LRRC4C: variants seen among roughly 807,000 people sequenced by gnomAD.
LRRC4C encodes the protein leucine rich repeat containing 4C, also known as leucine-rich repeat-containing protein 4C.
Under a neutral mutation model 33.6 loss-of-function variants are expected in LRRC4C, and 5 were observed. That is an observed-to-expected ratio of 0.15 (90% CI 0.08 to 0.31). The LOEUF (loss-of-function observed/expected upper bound fraction) is 0.31, where lower values mean the gene tolerates loss of function less well. LRRC4C is among the 10% of genes least tolerant of loss of function. The pLI is 1.00. For synonymous variants in LRRC4C, 329 were observed against 302.0 expected, an observed-to-expected ratio of 1.09 and a Z score of -0.93; for missense variants, 560 against 796.7, an observed-to-expected ratio of 0.70 and a Z score of 3.58.
rs554501976 is a variant in LRRC4C, at chr11:40,280,234, G to C, written c.-175-38636C>G. On this transcript the variant is annotated intron_variant, in intron 4 of 6. Transcript: ENST00000528697. ...AACCTTACAATGAACAGTAGACAGA[G>C]AGAGATGGGACTGAAGGCTTTAATA... Among the ~76,000 whole-genome samples the C allele has an allele frequency of 1.8e-3, 267 of 152,344 alleles. 1 individual carries two copies. The highest frequency in any genetic ancestry group is 3.3e-3 in the Non-Finnish European group (225 of 68,026).
At chr11:41,141,256 C>A (rs1231436116) in intron 1 of LRRC4C, among the ~76,000 whole-genome samples, 1 of 152,052 alleles carries the variant, frequency 6.6e-6, no homozygotes, top group Non-Finnish European at 1.5e-5. Flanking sequence ...TCACCACCAC[C>A]ACACAAAATT....
chr11:40,766,382 A>G (rs1486925265), intron 2 of LRRC4C, among the ~76,000 whole-genome samples: 1 of 145,534 alleles, frequency 6.9e-6, no homozygotes, highest in Non-Finnish European at 1.5e-5. Flanking sequence ...AAAAAAAAGA[A>G]GATAACACGC....
chr11:40,282,441 A>G (rs1943545372), intron 4 of LRRC4C, among the ~76,000 whole-genome samples: 1 of 152,146 alleles, frequency 6.6e-6, no homozygotes, highest in South Asian at 2.1e-4. Flanking sequence ...TGTAGTGGTC[A>G]GGAAATAATC....
chr11:40,377,055 G>A (rs1169851153), intron 3 of LRRC4C, among the ~76,000 whole-genome samples: 1 of 152,054 alleles, frequency 6.6e-6, no homozygotes, highest in Non-Finnish European at 1.5e-5. Flanking sequence ...TTCACCATGT[G>A]TTTAATACTT....
At chr11:40,826,575 G>A (rs1171609013) in intron 2 of LRRC4C, among the ~76,000 whole-genome samples, 1 of 151,886 alleles carries the variant, frequency 6.6e-6, no homozygotes, top group African/African-American at 2.4e-5. Flanking sequence ...GTCATTAGAA[G>A]TAAAATAATA....
At chr11:40,773,129 T>A (rs1949830418) in intron 2 of LRRC4C, among the ~76,000 whole-genome samples, 1 of 152,122 alleles carries the variant, frequency 6.6e-6, no homozygotes, top group Non-Finnish European at 1.5e-5. Context: ...TGCTCTAATT[T>A]GTGAGAGCTA....
intron 2 of LRRC4C, among the ~76,000 whole-genome samples, chr11:40,721,804 G>A (rs1591549846): frequency 6.6e-6 from 1 of 152,146 alleles, no homozygotes; most frequent in Admixed American, 6.5e-5. Context: ...AGCCGGGCGC[G>A]GTGGTGGGCG....
chr11:40,703,069 A>AT (rs538843903), intron 2 of LRRC4C, among the ~76,000 whole-genome samples: 1 of 152,010 alleles, frequency 6.6e-6, no homozygotes, highest in Non-Finnish European at 1.5e-5. Context: ...GAATAATAAT[A>AT]TTTTTTAATA....
intron 1 of LRRC4C, among the ~76,000 whole-genome samples, chr11:41,066,248 G>A (rs1165332191): frequency 6.6e-6 from 1 of 152,156 alleles, no homozygotes. Flanking sequence ...GAAAAACACA[G>A]CATGAGAACT....
At chr11:40,434,370 T>C (rs1951057005) in intron 3 of LRRC4C, among the ~76,000 whole-genome samples, 1 of 152,230 alleles carries the variant, frequency 6.6e-6, no homozygotes, top group African/African-American at 2.4e-5. Context: ...TGTATTCTTC[T>C]GCTATCTGGT....
At chr11:41,449,443 G>A (rs558223148) in intron 1 of LRRC4C, among the ~76,000 whole-genome samples, 13 of 151,968 alleles carry the variant, frequency 8.6e-5, no homozygotes, top group Non-Finnish European at 1.6e-4. Context: ...CACTGGGTAA[G>A]AAGGGTAGGA....
intron 3 of LRRC4C, among the ~76,000 whole-genome samples, chr11:40,633,396 T>TCTCTCTCTCTCTCTCTC (rs1565581276): frequency 5.8e-5 from 5 of 86,752 alleles, no homozygotes; most frequent in Non-Finnish European, 6.8e-5. Flanking sequence ...TCTTTCTTTC[T>TCTCTCTCTCTCTCTCTC]TTTTTTTTTT....
intron 1 of LRRC4C, among the ~76,000 whole-genome samples, chr11:41,137,976 G>A (rs1250370040): frequency 6.6e-6 from 1 of 152,162 alleles, no homozygotes; most frequent in Non-Finnish European, 1.5e-5. Flanking sequence ...CCATGGGCAT[G>A]CCAACTGGGA....
intron 1 of LRRC4C, among the ~76,000 whole-genome samples, chr11:41,278,515 G>A (rs539437637): frequency 3.9e-4 from 59 of 152,216 alleles, no homozygotes; most frequent in African/African-American, 1.3e-3. Flanking sequence ...AATTTAAATC[G>A]ATAAATAAAT....
chr11:40,834,378 G>A (rs1003367675), intron 2 of LRRC4C, among the ~76,000 whole-genome samples: 95 of 151,942 alleles, frequency 6.3e-4, no homozygotes, highest in African/African-American at 2.2e-3. Flanking sequence ...GGCTGAGGCA[G>A]GAGAATCGCT....
At chr11:41,220,271 C>G (rs1457392822) in intron 1 of LRRC4C, among the ~76,000 whole-genome samples, 1 of 152,050 alleles carries the variant, frequency 6.6e-6, no homozygotes, top group Admixed American at 6.6e-5. Flanking sequence ...TATTTTCTTT[C>G]TGTCAATGAG....
At chr11:40,829,331 C>G (rs961532441) in intron 2 of LRRC4C, among the ~76,000 whole-genome samples, 1 of 151,966 alleles carries the variant, frequency 6.6e-6, no homozygotes, top group East Asian at 1.9e-4. Flanking sequence ...AACCATAATG[C>G]TTTCTTATTC....
intron 3 of LRRC4C, among the ~76,000 whole-genome samples, chr11:40,439,983 T>C (rs1294483542): frequency 6.6e-6 from 1 of 152,168 alleles, no homozygotes; most frequent in African/African-American, 2.4e-5. Context: ...ACCACCCCAA[T>C]TTGTTTATGG....
At chr11:40,552,501 G>A (rs1358438989) in intron 3 of LRRC4C, among the ~76,000 whole-genome samples, 1 of 152,156 alleles carries the variant, frequency 6.6e-6, no homozygotes, top group Middle Eastern at 3.2e-3. Flanking sequence ...CCCCCACAAT[G>A]TAGGGAACTC....
Sources: gnomAD v4.1 joint callset for allele counts (sites outside exome capture counted in the v4.1 genomes callset) on GRCh38, gnomAD v4.1.1 for gene constraint, MANE v1.5 for transcripts, NCBI Gene and HGNC (gene_info 2026-07-23, HGNC 2026-07-21) for gene names.